KCNB2: variants seen among roughly 807,000 people sequenced by gnomAD.
The protein encoded by KCNB2 is delayed rectifier potassium channel protein.
KCNB2 carries 15 observed loss-of-function variants against 61.5 expected under a neutral mutation model. That is an observed-to-expected ratio of 0.24 (90% CI 0.16 to 0.38). KCNB2 has a LOEUF of 0.38. Among genes scored for constraint, KCNB2 ranks in the 10% least tolerant of loss-of-function variants. The probability of loss-of-function intolerance (pLI) is 1.00; values close to 1 mark genes in which losing one functional copy is unlikely to be tolerated. For missense variants in KCNB2, 828 were observed against 1,125.2 expected (o/e 0.74, Z 3.78); for synonymous variants, 457 against 446.0 (o/e 1.02, Z -0.31).
At chr8:72,902,402 C>G (rs1806106105) in intron 2 of KCNB2, among the ~76,000 whole-genome samples, 2 of 152,064 alleles carry the variant, frequency 1.3e-5, no homozygotes, top group African/African-American at 4.8e-5. Context: ...GATTTCAGAT[C>G]TGGAGTAGTG....
At chr8:72,871,954 T>C (rs1805625695) in intron 2 of KCNB2, among the ~76,000 whole-genome samples, 1 of 152,228 alleles carries the variant, frequency 6.6e-6, no homozygotes, top group Non-Finnish European at 1.5e-5. Context: ...GCTTCCATCA[T>C]GCAAGTCCAT....
At chr8:72,826,131 T>C (rs1809591943) in intron 2 of KCNB2, among the ~76,000 whole-genome samples, 1 of 152,262 alleles carries the variant, frequency 6.6e-6, no homozygotes, top group Non-Finnish European at 1.5e-5. Context: ...CCTAGCATCA[T>C]GGATTTTCAT....
intron 2 of KCNB2, among the ~76,000 whole-genome samples, chr8:72,744,283 T>G (rs562874403): frequency 6.6e-6 from 1 of 152,278 alleles, no homozygotes; most frequent in African/African-American, 2.4e-5. Context: ...CCACAGTTTC[T>G]TAAGAGAAGA....
intron 2 of KCNB2, among the ~76,000 whole-genome samples, chr8:72,869,292 A>G (rs1805580195): frequency 6.6e-6 from 1 of 152,032 alleles, no homozygotes. Flanking sequence ...AAACTCACAG[A>G]CCCTCCTCAA....
chr8:72,861,143 A>G (rs535727435), intron 2 of KCNB2, among the ~76,000 whole-genome samples: 13 of 139,196 alleles, frequency 9.3e-5, no homozygotes, highest in African/African-American at 3.2e-4. Flanking sequence ...ATCCATAATG[A>G]GAGTGATTTT....
intron 2 of KCNB2, among the ~76,000 whole-genome samples, chr8:72,738,848 G>A (rs1354550110): frequency 6.6e-6 from 1 of 152,132 alleles, no homozygotes; most frequent in African/African-American, 2.4e-5. Flanking sequence ...ATCATATTAA[G>A]TAACATCTAT....
intron 1 of KCNB2, among the ~76,000 whole-genome samples, chr8:72,539,329 T>C (rs561694723): frequency 6.6e-6 from 1 of 152,350 alleles, no homozygotes; most frequent in Non-Finnish European, 1.5e-5. Context: ...AGGTCCAACG[T>C]AGAAATAACT....
chr8:72,658,336 C>T (rs1806324264), intron 2 of KCNB2, among the ~76,000 whole-genome samples: 1 of 152,188 alleles, frequency 6.6e-6, no homozygotes, highest in Non-Finnish European at 1.5e-5. Context: ...CACAACATTT[C>T]CTTATGCTAA....
intron 2 of KCNB2, among the ~76,000 whole-genome samples, chr8:72,813,527 G>GCT (rs1213412865): frequency 6.6e-6 from 1 of 152,088 alleles, no homozygotes; most frequent in African/African-American, 2.4e-5. Context: ...AAAAGGGGAA[G>GCT]AAAGGGCCGT....
chr8:72,756,608 CA>C (rs1173061498), intron 2 of KCNB2, among the ~76,000 whole-genome samples: 12 of 152,132 alleles, frequency 7.9e-5, no homozygotes, highest in African/African-American at 2.2e-4. Context: ...AATGTTTGGC[CA>C]AGCTTAAAAA....
intron 2 of KCNB2, among the ~76,000 whole-genome samples, chr8:72,645,221 T>C (rs1806110800): frequency 1.3e-5 from 2 of 152,100 alleles, no homozygotes. Context: ...CCCTGTACCA[T>C]GGAGGCAGAC....
intron 2 of KCNB2, among the ~76,000 whole-genome samples, chr8:72,746,465 G>C (rs948492590): frequency 6.6e-6 from 1 of 152,080 alleles, no homozygotes; most frequent in African/African-American, 2.4e-5. Context: ...CTAAAGAAAA[G>C]ACACCAACAA....
chr8:72,660,651 C>G (rs1033006438), intron 2 of KCNB2: 1 of 152,170 alleles, frequency 6.6e-6, no homozygotes, highest in Non-Finnish European at 1.5e-5. Flanking sequence ...ATGAGCTTTT[C>G]TTTCATGGGA....
chr8:72,911,913 T>A (rs1004569979), intron 2 of KCNB2, among the ~76,000 whole-genome samples: 2 of 152,222 alleles, frequency 1.3e-5, no homozygotes, highest in African/African-American at 4.8e-5. Flanking sequence ...TATTTAGCAC[T>A]GTGCATGGAC....
chr8:72,806,823 C>T (rs754930614), intron 2 of KCNB2, among the ~76,000 whole-genome samples: 35 of 152,184 alleles, frequency 2.3e-4, no homozygotes, highest in Middle Eastern at 6.8e-3. Context: ...AGACAATAAA[C>T]AGAGAAATTA....
At chr8:72,869,839 A>T (rs1168135811) in intron 2 of KCNB2, among the ~76,000 whole-genome samples, 2 of 152,200 alleles carry the variant, frequency 1.3e-5, no homozygotes, top group Non-Finnish European at 2.9e-5. Flanking sequence ...CCCACTTCTG[A>T]GTTGATATCC....
At chr8:72,899,619 C>T (rs937829737) in intron 2 of KCNB2, among the ~76,000 whole-genome samples, 7 of 152,096 alleles carry the variant, frequency 4.6e-5, no homozygotes, top group African/African-American at 1.7e-4. Flanking sequence ...AACACAATCC[C>T]ATTTACAATA....
intron 2 of KCNB2, among the ~76,000 whole-genome samples, chr8:72,919,594 A>C (rs1025146180): frequency 1.3e-5 from 2 of 152,208 alleles, no homozygotes; most frequent in African/African-American, 4.8e-5. Flanking sequence ...TACAGGAAAT[A>C]AGGCATGGCC....
chr8:72,601,788 C>A (rs1805354985), intron 2 of KCNB2, among the ~76,000 whole-genome samples: 1 of 152,136 alleles, frequency 6.6e-6, no homozygotes, highest in African/African-American at 2.4e-5. Flanking sequence ...AATGCCAGTT[C>A]AGTACAGAAC....
Sources: gnomAD v4.1 joint callset for allele counts (sites outside exome capture counted in the v4.1 genomes callset) on GRCh38, gnomAD v4.1.1 for gene constraint, MANE v1.5 for transcripts, NCBI Gene and HGNC (gene_info 2026-07-23, HGNC 2026-07-21) for gene names.